Variants in TRA2A observed in about 807,000 individuals in gnomAD.
TRA2A encodes transformer 2 alpha homolog, also known as transformer-2 protein homolog alpha.
In TRA2A, 31 loss-of-function variants were observed where a neutral mutation model predicts 45.7. That is an observed-to-expected ratio of 0.68 (90% CI 0.51 to 0.92). TRA2A has a LOEUF of 0.92. TRA2A is among the 40% of genes least tolerant of loss of function. The pLI is 0.00. For synonymous variants in TRA2A, 132 were observed against 126.2 expected (o/e 1.05, Z -0.31); for missense variants, 304 against 367.5 (o/e 0.83, Z 1.41).
At chr7:23,530,875 A>T (rs1167328394) in intron 1 of TRA2A, among the ~76,000 whole-genome samples, 1 of 152,006 alleles carries the variant, frequency 6.6e-6, no homozygotes, top group Non-Finnish European at 1.5e-5. Flanking sequence ...GAGCCAATGA[A>T]TTCGTTCAGC....
intron 6 of TRA2A, 22 bp from the exon 7 acceptor site, chr7:23,505,835 T>A: frequency 7.0e-7 from 1 of 1,418,546 alleles, no homozygotes; most frequent in Non-Finnish European, 9.6e-7. Context: ...GAAAGATTAC[T>A]TAGCATACTA....
chr7:23,516,340 A>T, intron 3 of TRA2A, 23 bp downstream of exon 3: 1 of 1,612,736 alleles, frequency 6.2e-7, no homozygotes, highest in South Asian at 1.1e-5. Context: ...ATAAGTCTTC[A>T]TTAACTTTTA....
intron 1 of TRA2A, among the ~76,000 whole-genome samples, chr7:23,529,663 A>C (rs552546124): frequency 2.9e-4 from 44 of 152,336 alleles, no homozygotes; most frequent in African/African-American, 1.0e-3. Flanking sequence ...ATAAAAACTA[A>C]AAGACGAAAA....
At position 23,512,885 on chromosome 7, in the gene TRA2A, C is replaced by CA; in HGVS notation, c.525+8dup. On this transcript the variant is annotated intron_variant, in intron 4 of 7. Transcript: ENST00000297071. ...GTACTATAATCAGGCATATAAAAGACAAATTTACCTCCTTTGAGTCATCTA... is the reference window on the plus strand; with the variant it reads ...GTACTATAATCAGGCATATAAAAGACAAAATTTACCTCCTTTGAGTCATCTA... 6.3e-7 allele frequency: 1 copy of CA among 1,596,032 alleles called. No individual in the cohort carries two copies. Among genetic ancestry groups the CA allele is most frequent in the Non-Finnish European group, 8.5e-7 (1 of 1,169,702 alleles).
chr7:23,510,665 G>C (rs1016306340), intron 4 of TRA2A, among the ~76,000 whole-genome samples: 4 of 152,036 alleles, frequency 2.6e-5, no homozygotes, highest in African/African-American at 9.7e-5. Context: ...GAAGGGGACA[G>C]GTGGAATCAA....
At chr7:23,527,519 A>G (rs1790386913) in intron 1 of TRA2A, among the ~76,000 whole-genome samples, 1 of 152,246 alleles carries the variant, frequency 6.6e-6, no homozygotes, top group African/African-American at 2.4e-5. Context: ...ACCCACTGAT[A>G]CTATCAAAGA....
Position 23,512,993 on chromosome 7 carries a change from A to G in TRA2A, c.426T>C (p.Tyr142=), listed in dbSNP as rs199924804. The G allele has an allele frequency of 4.1e-5, 66 of 1,613,970 alleles. No homozygotes were observed. Among genetic ancestry groups the G allele is most frequent in the Non-Finnish European group, 5.1e-5 (60 of 1,179,852 alleles). Residue 142 remains tyrosine (Y), a synonymous_variant, in exon 4 of 8, where the codon TAT becomes TAC. Transcript: ENST00000297071. ...CCACATTGACACCACTCAATGGTCC[A>G]TATCGAGAAAATACTTCACGAAGAT... ...ERDLREVFSR[Y]GPLSGVNVVY...
intron 1 of TRA2A, among the ~76,000 whole-genome samples, chr7:23,527,861 A>G (rs1272363041): frequency 6.6e-6 from 1 of 152,222 alleles, no homozygotes; most frequent in African/African-American, 2.4e-5. Flanking sequence ...GAGCAGATCA[A>G]CATCCTTCAG....
Position 23,531,946 on chromosome 7 carries a change from A to C in TRA2A, c.-122T>G, listed in dbSNP as rs1682290120. ...AAGAGTCGGCAACCACAGCCGCTCC[A>C]CTCCACTCCCACTCGGTCGCAGGCT... On this transcript the variant is annotated 5_prime_UTR_variant, in exon 1 of 8. Coordinates refer to ENST00000297071, the MANE Select transcript of TRA2A (RefSeq NM_013293.5). 9.5e-7 allele frequency: 1 copy of C among 1,051,656 alleles called. No homozygotes were observed. The highest frequency in any genetic ancestry group is 1.4e-6 in the Non-Finnish European group (1 of 706,048). The allele number at this position is 1,051,656 out of a possible 1,614,324, so 65.1% of individuals were successfully genotyped here.
rs565690808 is a variant in TRA2A, at chr7:23,505,394, T to A, written c.*165A>T. On this transcript the variant is annotated 3_prime_UTR_variant, in exon 8 of 8. Transcript: ENST00000297071. ...TACATCTTTTAAGAGTATAATAAAATGGGTGGAAAACAGCAACACAACTGA... is the reference window on the plus strand; with the variant it reads ...TACATCTTTTAAGAGTATAATAAAAAGGGTGGAAAACAGCAACACAACTGA... The A allele has an allele frequency of 4.1e-5, 19 of 466,952 alleles. No homozygotes were observed. Among genetic ancestry groups the A allele is most frequent in the Non-Finnish European group, 5.3e-5 (14 of 265,232 alleles). 28.9% of individuals were successfully genotyped at this position (466,952 alleles called of 1,614,324 possible). A position where few individuals can be genotyped will look rare whatever the true frequency, so the allele number is the denominator to read the frequency against.
intron 1 of TRA2A, among the ~76,000 whole-genome samples, chr7:23,523,522 G>A (rs1295676467): frequency 6.6e-6 from 1 of 152,128 alleles, no homozygotes; most frequent in African/African-American, 2.4e-5. Flanking sequence ...AACTCAAACA[G>A]CTTTCTGAAA....
Position 23,517,477 on chromosome 7 carries a change from C to CAAAAAAA in TRA2A, c.171-956_171-950dup, listed in dbSNP as rs70954385. 1.9e-3 allele frequency among the ~76,000 whole-genome samples: 27 copies of CAAAAAAA among 13,926 alleles called. 1 individual carries two copies. Among genetic ancestry groups the CAAAAAAA allele is most frequent in the Admixed American group, 4.9e-3 (4 of 814 alleles). The allele number at this position is 13,926 out of a possible 152,430, so 9.1% of individuals were successfully genotyped here. A position where few individuals can be genotyped will look rare whatever the true frequency, so the allele number is the denominator to read the frequency against. Reference sequence around the variant, plus strand: ...TGGGCGACAGAGCAAGACTACGTCTCAAAAAAAAAAAAAAAAAAAAAAAAA... The same window carrying CAAAAAAA: ...TGGGCGACAGAGCAAGACTACGTCTCAAAAAAAAAAAAAAAAAAAAAAAAAAAAAAAA... On this transcript the variant is annotated intron_variant, in intron 2 of 7. Coordinates refer to ENST00000297071, the MANE Select transcript of TRA2A (RefSeq NM_013293.5).
Position 23,505,263 on chromosome 7 carries a change from TAGA to T in TRA2A, c.*293_*295del, listed in dbSNP as rs1410075849. On this transcript the variant is annotated 3_prime_UTR_variant, in exon 8 of 8. Coordinates refer to ENST00000297071, the MANE Select transcript of TRA2A (RefSeq NM_013293.5). ...CAGTTTCTTTCCTTATTTGATTAGC[TAGA>T]AGTTTATCTAGGTAAAAGCAAAAAA... 9.2e-6 allele frequency: 3 copies of T among 326,782 alleles called. No individual in the cohort carries two copies. Among genetic ancestry groups the T allele is most frequent in the Non-Finnish European group, 1.6e-5 (3 of 182,776 alleles). The allele number at this position is 326,782 out of a possible 1,614,324, so 20.2% of individuals were successfully genotyped here.
At chr7:23,515,844 C>A (rs1324690469) in intron 3 of TRA2A, among the ~76,000 whole-genome samples, 2 of 151,958 alleles carry the variant, frequency 1.3e-5, no homozygotes, top group African/African-American at 2.4e-5. Context: ...CCACGCCCAG[C>A]CTTCATGTCC....
chr7:23,506,327 T>C, intron 5 of TRA2A, 61 bp from the exon 6 acceptor site: 1 of 1,456,786 alleles, frequency 6.9e-7, no homozygotes, highest in Non-Finnish European at 9.1e-7. Context: ...GACACTTTAA[T>C]ACAAATTGAA....
intron 4 of TRA2A, among the ~76,000 whole-genome samples, chr7:23,512,603 C>T (rs1193477439): frequency 6.6e-6 from 1 of 151,980 alleles, no homozygotes; most frequent in Non-Finnish European, 1.5e-5. Context: ...GGACTACAAG[C>T]GCCGGCCACC....
intron 1 of TRA2A, among the ~76,000 whole-genome samples, chr7:23,526,016 C>A (rs893328200): frequency 2.0e-5 from 3 of 152,176 alleles, no homozygotes; most frequent in Non-Finnish European, 4.4e-5. Context: ...GTAACCAATA[C>A]AAGCTGGTTA....
intron 6 of TRA2A, 42 bp from the exon 7 acceptor site, chr7:23,505,855 T>G: frequency 1.7e-6 from 2 of 1,211,814 alleles, no homozygotes; most frequent in Middle Eastern, 2.0e-4. Context: ...ATATAATCAC[T>G]CCACTGAGGC....
At chr7:23,511,364 C>T (rs1789595439) in intron 4 of TRA2A, among the ~76,000 whole-genome samples, 2 of 85,204 alleles carry the variant, frequency 2.3e-5, no homozygotes, top group Non-Finnish European at 4.3e-5. Flanking sequence ...GAGCGAGACT[C>T]CATCTCAAAA....
Sources: allele counts gnomAD v4.1 joint callset (sites outside exome capture counted in the v4.1 genomes callset), GRCh38; gene constraint gnomAD v4.1.1; transcripts MANE v1.5; gene names NCBI Gene and HGNC (gene_info 2026-07-23, HGNC 2026-07-21).